Variants in MACROD2 observed in about 807,000 individuals in gnomAD.
The protein encoded by MACROD2 is ADP-ribose glycohydrolase MACROD2.
Under a neutral mutation model 70.4 loss-of-function variants are expected in MACROD2, and 36 were observed. The ratio of observed to expected loss-of-function variants is 0.51; its 90% CI spans 0.39 to 0.68. MACROD2 has a LOEUF of 0.68. MACROD2 is among the 30% of genes least tolerant of loss of function. MACROD2 has a pLI of 0.00. For synonymous variants in MACROD2, 172 were observed against 178.8 expected (o/e 0.96, Z 0.30); for missense variants, 496 against 538.4 (o/e 0.92, Z 0.78).
chr20:14,087,857 T>C (rs981357740), intron 3 of MACROD2, among the ~76,000 whole-genome samples: 1 of 152,136 alleles, frequency 6.6e-6, no homozygotes, highest in Non-Finnish European at 1.5e-5. Flanking sequence ...AAAGATTATA[T>C]GTGTGTATAT....
intron 9 of MACROD2, among the ~76,000 whole-genome samples, chr20:15,881,992 C>T (rs1287147321): frequency 6.6e-6 from 1 of 152,058 alleles, no homozygotes; most frequent in Non-Finnish European, 1.5e-5. Flanking sequence ...AATGCTCATT[C>T]TGTGTAAGCA....
chr20:15,597,845 G>A (rs2048766187), intron 8 of MACROD2, among the ~76,000 whole-genome samples: 1 of 152,224 alleles, frequency 6.6e-6, no homozygotes, highest in East Asian at 1.9e-4. Context: ...CTGGGAGGCT[G>A]AGGCAGGTGG....
At chr20:15,844,770 A>G (rs1189656417) in intron 8 of MACROD2, among the ~76,000 whole-genome samples, 1 of 152,168 alleles carries the variant, frequency 6.6e-6, no homozygotes, top group Non-Finnish European at 1.5e-5. Flanking sequence ...TGTCGGCTCT[A>G]TATTTGATAC....
chr20:15,314,168 G>T (rs548579823), intron 6 of MACROD2, among the ~76,000 whole-genome samples: 1 of 152,226 alleles, frequency 6.6e-6, no homozygotes, highest in African/African-American at 2.4e-5. Context: ...TCAAGGGCCT[G>T]TTGCTTTTGG....
intron 6 of MACROD2, among the ~76,000 whole-genome samples, chr20:15,238,178 C>T (rs903659138): frequency 4.6e-5 from 7 of 152,120 alleles, no homozygotes; most frequent in Non-Finnish European, 1.0e-4. Flanking sequence ...ATGCTAAACA[C>T]AGGTTGCTCA....
In MACROD2 at chr20:14,528,498, G is replaced by A. The variant is rs185958438; in HGVS notation, c.301+34990G>A. ...CATGGTGTACAAAGTTCCTGATCTCGCCACTGCCAGCTTTTATAGCTTTTT... is the reference window on the plus strand; with the variant it reads ...CATGGTGTACAAAGTTCCTGATCTCACCACTGCCAGCTTTTATAGCTTTTT... On this transcript the variant is annotated intron_variant, in intron 4 of 17. Transcript: ENST00000684519. Among the ~76,000 whole-genome samples the A allele has an allele frequency of 1.4e-3, 220 of 152,118 alleles. 1 individual carries two copies. Among genetic ancestry groups the A allele is most frequent in the Admixed American group, 2.5e-3 (38 of 15,282 alleles).
At chr20:14,501,944 C>T in intron 4 of MACROD2, among the ~76,000 whole-genome samples, 1 of 152,166 alleles carries the variant, frequency 6.6e-6, no homozygotes. Flanking sequence ...TTCCTAATTA[C>T]ATAGTAGCTA....
intron 9 of MACROD2, among the ~76,000 whole-genome samples, chr20:15,878,532 C>T (rs934321991): frequency 3.9e-5 from 6 of 152,004 alleles, no homozygotes; most frequent in African/African-American, 1.2e-4. Context: ...TAAAGTTCTA[C>T]GGGGTTTTCT....
At chr20:15,472,736 G>A (rs2046977623) in intron 7 of MACROD2, among the ~76,000 whole-genome samples, 1 of 151,744 alleles carries the variant, frequency 6.6e-6, no homozygotes, top group Admixed American at 6.6e-5. Flanking sequence ...TTATTAACTA[G>A]TTTCTTACCT....
intron 3 of MACROD2, among the ~76,000 whole-genome samples, chr20:14,279,191 A>G (rs933602639): frequency 6.6e-6 from 1 of 152,234 alleles, no homozygotes; most frequent in Non-Finnish European, 1.5e-5. Flanking sequence ...TAGAGCAAAT[A>G]TAATTTCCCC....
chr20:15,797,882 G>C (rs1289433249), intron 8 of MACROD2, among the ~76,000 whole-genome samples: 1 of 152,174 alleles, frequency 6.6e-6, no homozygotes, highest in African/African-American at 2.4e-5. Context: ...AAGTTCCCAA[G>C]TGATAGTGAT....
At chr20:14,351,352 A>C (rs764405479) in intron 3 of MACROD2, among the ~76,000 whole-genome samples, 1 of 152,044 alleles carries the variant, frequency 6.6e-6, no homozygotes, top group Non-Finnish European at 1.5e-5. Context: ...GGATATTTTA[A>C]TAATATTGAT....
chr20:14,733,632 TA>T (rs1214216298), intron 5 of MACROD2, among the ~76,000 whole-genome samples: 4 of 152,170 alleles, frequency 2.6e-5, no homozygotes, highest in African/African-American at 9.7e-5. Context: ...TGGGAAGAAT[TA>T]AAATCTGTGC....
At chr20:15,185,291 G>C (rs920017105) in intron 5 of MACROD2, among the ~76,000 whole-genome samples, 4 of 152,058 alleles carry the variant, frequency 2.6e-5, no homozygotes, top group African/African-American at 9.7e-5. Flanking sequence ...TTAAACTTTT[G>C]GTACATGAGA....
intron 8 of MACROD2, among the ~76,000 whole-genome samples, chr20:15,611,062 C>T (rs541542342): frequency 1.5e-5 from 2 of 132,594 alleles, no homozygotes; most frequent in South Asian, 5.3e-4. Context: ...TCTGCCAATA[C>T]CCATGGATCA....
At chr20:15,105,213 A>C (rs1319463147) in intron 5 of MACROD2, among the ~76,000 whole-genome samples, 1 of 152,088 alleles carries the variant, frequency 6.6e-6, no homozygotes, top group African/African-American at 2.4e-5. Context: ...TCTCCAACTC[A>C]GCTTCTCTTC....
chr20:15,108,145 A>T (rs1012073073), intron 5 of MACROD2, among the ~76,000 whole-genome samples: 29 of 152,272 alleles, frequency 1.9e-4, no homozygotes, highest in African/African-American at 6.7e-4. Flanking sequence ...ATACTGGGGT[A>T]AGTCACTTAA....
intron 6 of MACROD2, among the ~76,000 whole-genome samples, chr20:15,240,630 G>A (rs1348314873): frequency 6.6e-6 from 1 of 152,300 alleles, no homozygotes; most frequent in East Asian, 1.9e-4. Flanking sequence ...CATTTTAACT[G>A]GGTGATGGGC....
At chr20:14,274,140 T>C (rs1169916450) in intron 3 of MACROD2, among the ~76,000 whole-genome samples, 1 of 152,320 alleles carries the variant, frequency 6.6e-6, no homozygotes, top group Admixed American at 6.5e-5. Flanking sequence ...CCCTAACTCA[T>C]TTTATGAGGC....
Sources: gnomAD v4.1 joint callset for allele counts (sites outside exome capture counted in the v4.1 genomes callset) on GRCh38, gnomAD v4.1.1 for gene constraint, MANE v1.5 for transcripts, NCBI Gene and HGNC (gene_info 2026-07-23, HGNC 2026-07-21) for gene names.